UBXN2A: variants seen among roughly 807,000 people sequenced by gnomAD.
UBXN2A encodes UBX domain protein 2A.
A neutral mutation model predicts 28.4 loss-of-function variants in UBXN2A; 28 were observed. The ratio of observed to expected loss-of-function variants is 0.99; its 90% CI spans 0.73 to 1.35. The LOEUF (loss-of-function observed/expected upper bound fraction) is 1.35, where lower values mean the gene tolerates loss of function less well. UBXN2A is among the 40% of genes most tolerant of loss of function. UBXN2A has a pLI of 0.00. For missense variants in UBXN2A, 253 were observed against 297.9 expected, an observed-to-expected ratio of 0.85 and a Z score of 1.11; for synonymous variants, 97 against 103.6, an observed-to-expected ratio of 0.94 and a Z score of 0.39.
At chr2:23,973,086 C>T (rs1417251324) in intron 3 of UBXN2A, among the ~76,000 whole-genome samples, 2 of 151,958 alleles carry the variant, frequency 1.3e-5, no homozygotes, top group Non-Finnish European at 2.9e-5. Context: ...ATGGCACGAT[C>T]TCAGCTCACT....
At chr2:23,966,417 G>C (rs1396968150) in intron 2 of UBXN2A, among the ~76,000 whole-genome samples, 2 of 150,556 alleles carry the variant, frequency 1.3e-5, no homozygotes, top group Non-Finnish European at 3.0e-5. Context: ...TTACAGGCGT[G>C]AGCCACCGCA....
At chr2:23,989,243 CAT>C (rs1299376084) in intron 6 of UBXN2A, among the ~76,000 whole-genome samples, 7 of 150,960 alleles carry the variant, frequency 4.6e-5, no homozygotes, top group Non-Finnish European at 8.8e-5. Context: ...TATACATATA[CAT>C]ATGTGTGTGT....
In UBXN2A at chr2:23,935,457, AT is replaced by A. The variant is rs1454704668; in HGVS notation, c.-137-4082del. ...TTAAATAGGCGTTTCTCCAAAAAAA[AT>A]ATACGAATAGCCAATAGGCGCATGA... is the stretch of plus-strand genomic sequence containing the variant. On this transcript the variant is annotated intron_variant, in intron 1 of 7. Coordinates refer to the UBXN2A transcript ENST00000404924. 5.3e-5 allele frequency among the ~76,000 whole-genome samples: 8 copies of A among 152,350 alleles called. No homozygotes were observed. The East Asian group carries it at 9.6e-4, about 18-fold the overall frequency.
At chr2:23,968,434 C>T (rs370733372) in intron 2 of UBXN2A, among the ~76,000 whole-genome samples, 15 of 152,016 alleles carry the variant, frequency 9.9e-5, no homozygotes, top group African/African-American at 3.1e-4. Context: ...CCCAGCACTT[C>T]GGGAGGCTGA....
At chr2:23,950,027 C>T (rs1455749788) in intron 1 of UBXN2A, among the ~76,000 whole-genome samples, 6 of 141,224 alleles carry the variant, frequency 4.2e-5, no homozygotes, top group African/African-American at 1.4e-4. Flanking sequence ...ACCCCCACCC[C>T]AAGGATCGCT....
At chr2:23,951,821 A>G (rs1706386749) in intron 1 of UBXN2A, among the ~76,000 whole-genome samples, 2 of 152,072 alleles carry the variant, frequency 1.3e-5, no homozygotes, top group Admixed American at 1.3e-4. Context: ...GGGTGTTTAT[A>G]TTTTTCTCTT....
At chr2:23,953,709 TGAA>T (rs1400581568) in intron 1 of UBXN2A, among the ~76,000 whole-genome samples, 1 of 152,240 alleles carries the variant, frequency 6.6e-6, no homozygotes, top group African/African-American at 2.4e-5. Flanking sequence ...ATATATGTGT[TGAA>T]GAAAATGGAT....
chr2:23,990,669 G>T (rs939616405), intron 6 of UBXN2A, among the ~76,000 whole-genome samples: 1 of 151,748 alleles, frequency 6.6e-6, no homozygotes, highest in African/African-American at 2.4e-5. Context: ...AGCTACTTGG[G>T]AGGCTGAAGC....
At chr2:23,946,794 T>G (rs1284925420) in intron 1 of UBXN2A, among the ~76,000 whole-genome samples, 1 of 152,184 alleles carries the variant, frequency 6.6e-6, no homozygotes, top group Non-Finnish European at 1.5e-5. Flanking sequence ...ATTCAGATTC[T>G]TATACACTTA....
At chr2:23,998,808 C>T (rs897341309) in intron 6 of UBXN2A, among the ~76,000 whole-genome samples, 12 of 152,210 alleles carry the variant, frequency 7.9e-5, no homozygotes, top group African/African-American at 2.6e-4. Flanking sequence ...CAGCTCACTG[C>T]AACCTTCGTC....
At chr2:23,985,941 T>C (rs1304102034) in intron 6 of UBXN2A, among the ~76,000 whole-genome samples, 1 of 151,890 alleles carries the variant, frequency 6.6e-6, no homozygotes, top group Non-Finnish European at 1.5e-5. Context: ...GTGAGCCGAA[T>C]TGCACCATTA....
intron 2 of UBXN2A, among the ~76,000 whole-genome samples, chr2:23,960,125 G>A (rs1462038237): frequency 5.3e-5 from 8 of 151,976 alleles, no homozygotes; most frequent in South Asian, 2.1e-4. Flanking sequence ...GCATGGTGGC[G>A]GGTGCCTGTA....
chr2:23,930,342 A>G (rs188584623), intron 1 of UBXN2A, among the ~76,000 whole-genome samples: 47 of 152,336 alleles, frequency 3.1e-4, no homozygotes, highest in African/African-American at 1.1e-3. Flanking sequence ...AAATACACAG[A>G]TTTTTAAAAA....
intron 2 of UBXN2A, among the ~76,000 whole-genome samples, chr2:23,965,574 G>A (rs143015493): frequency 0.015 from 2,208 of 152,176 alleles, 30 homozygotes; most frequent in South Asian, 0.035. Context: ...AATCCTACAC[G>A]GTTGTGGTGT....
intron 2 of UBXN2A, among the ~76,000 whole-genome samples, chr2:23,968,324 A>T (rs959501221): frequency 6.6e-6 from 1 of 152,174 alleles, no homozygotes; most frequent in East Asian, 1.9e-4. Context: ...AGTTCTTTAT[A>T]AGATGTCATG....
chr2:23,971,514 G>A, intron 3 of UBXN2A, 100 bp downstream of exon 3: 2 of 1,301,320 alleles, frequency 1.5e-6, no homozygotes, highest in Non-Finnish European at 2.0e-6. Flanking sequence ...TTTGAGACAA[G>A]GTCTTTCTCT....
chr2:23,991,545 T>G (rs1314326660), intron 6 of UBXN2A, among the ~76,000 whole-genome samples: 2 of 151,932 alleles, frequency 1.3e-5, no homozygotes, highest in Admixed American at 1.3e-4. Flanking sequence ...CTCGGCTCAC[T>G]GCAACTTCTG....
intron 4 of UBXN2A, among the ~76,000 whole-genome samples, chr2:23,980,593 C>T (rs1321253156): frequency 2.0e-5 from 3 of 151,990 alleles, no homozygotes; most frequent in Admixed American, 6.6e-5. Context: ...TGGAGAAATT[C>T]CTGTTCAAAT....
Position 24,002,394 on chromosome 2 carries a change from G to A in UBXN2A, c.*2527G>A, listed in dbSNP as rs1708739758. ...CACTCTAGCTTAGGCAACAGAGTAA[G>A]ACCCTGCCGTAATAATAATAACTTT... is the stretch of plus-strand genomic sequence containing the variant. On this transcript the variant is annotated 3_prime_UTR_variant, in exon 7 of 7. Transcript: ENST00000309033. 6.6e-6 allele frequency: 1 copy of A among 151,610 alleles called. No individual in the cohort carries two copies. Among genetic ancestry groups the A allele is most frequent in the South Asian group, 2.1e-4 (1 of 4,780 alleles). The allele number at this position is 151,610 out of a possible 1,614,324, so 9.4% of individuals were successfully genotyped here. A position where few individuals can be genotyped will look rare whatever the true frequency, so the allele number is the denominator to read the frequency against.
Sources: allele counts gnomAD v4.1 joint callset (sites outside exome capture counted in the v4.1 genomes callset), GRCh38; gene constraint gnomAD v4.1.1; transcripts MANE v1.5; gene names NCBI Gene and HGNC (gene_info 2026-07-23, HGNC 2026-07-21).